Variants in SLC12A4 observed in about 807,000 individuals in gnomAD.
SLC12A4 encodes the protein solute carrier family 12 member 4.
SLC12A4 carries 84 observed loss-of-function variants against 119.2 expected under a neutral mutation model. The ratio of observed to expected loss-of-function variants is 0.70; its 90% CI spans 0.59 to 0.85. SLC12A4 has a LOEUF of 0.85. Ranked by LOEUF, SLC12A4 falls within the 40% of genes least tolerant of loss-of-function variation. SLC12A4 has a pLI of 0.00. For missense variants in SLC12A4, 1,298 were observed against 1,476.3 expected (o/e 0.88, Z 1.98); for synonymous variants, 599 against 604.6 (o/e 0.99, Z 0.14).
At chr16:67,948,515 G>T (rs2058377566) in intron 13 of SLC12A4, among the ~76,000 whole-genome samples, 1 of 152,218 alleles carries the variant, frequency 6.6e-6, no homozygotes, top group Non-Finnish European at 1.5e-5. Flanking sequence ...TGGATGAGAG[G>T]CTGCCATGCA....
chr16:67,961,568 A>G lies in SLC12A4; in HGVS notation c.342+7T>C, dbSNP rs369058249. The G allele has an allele frequency of 1.2e-6, 2 of 1,612,166 alleles. No individual in the cohort carries two copies. Among genetic ancestry groups the G allele is most frequent in the African/African-American group, 1.3e-5 (1 of 74,926 alleles). ...GTGTGGCCCCTCTGCCGCCCCAACC[A>G]GCTCACCTCGGCTGCCCTCCGGCGG... On this transcript the variant is annotated splice_region_variant and intron_variant, in intron 3 of 23. Transcript: ENST00000316341.
rs748743121 is a variant in SLC12A4, at chr16:67,951,170, G to A, written c.1267C>T (p.Leu423=). The A allele has an allele frequency of 1.2e-6, 2 of 1,614,070 alleles. No individual in the cohort carries two copies. The highest frequency in any genetic ancestry group is 2.2e-5 in the South Asian group (2 of 91,090). ...ACAGAAGGGAAGAAGATGCCGACCA[G>A]CACGGTGAAGGATGTGGCGATGTCA... ...VADIATSFTV[L]VGIFFPSVTG... The change falls in exon 9 of 24, where the codon CTG becomes TTG. Residue 423 remains leucine, a synonymous_variant. Transcript: ENST00000316341. The surrounding 1 kb of genome is among the most constrained non-coding windows in gnomAD (Gnocchi z 5.2).
Position 67,949,831 on chromosome 16 carries a change from AGGCGATGAGGATGCCCAGCTC to A in SLC12A4, c.1696_1716del (p.Glu566_Ala572del). 1 of 1,610,556 alleles carries A rather than the reference AGGCGATGAGGATGCCCAGCTC, an allele frequency of 6.2e-7. No individual in the cohort carries two copies. Among genetic ancestry groups the A allele is most frequent in the Non-Finnish European group, 8.5e-7 (1 of 1,178,274 alleles). On this transcript the variant is annotated inframe_deletion, in exon 13 of 24. Coordinates refer to ENST00000316341, the MANE Select transcript of SLC12A4 (RefSeq NM_005072.5). The surrounding 1 kb of genome is among the most constrained non-coding windows in gnomAD (Gnocchi z 4.6). ...AAGATGGGGGCCACCATGTCGAGGGAGGCGATGAGGATGCCCAGCTCGGCGATGAGTGCCGTCAGGAGGAGT... is the reference window on the plus strand; with the variant it reads ...AAGATGGGGGCCACCATGTCGAGGGAGGCGATGAGTGCCGTCAGGAGGAGT...
chr16:67,945,290 A>ATC, intron 22 of SLC12A4, 70 bp from the exon 23 acceptor site: 1 of 1,565,262 alleles, frequency 6.4e-7, no homozygotes, highest in Non-Finnish European at 8.7e-7. Context: ...CCCCTGGCCC[A>ATC]TCTAACACTA....
At position 67,957,985 on chromosome 16, in the gene SLC12A4, C is replaced by T. The variant is rs1375105657; in HGVS notation, c.402G>A (p.Gly134=). ...AGGTCAGCCGCAGGAAGAGGATAAC[C>T]CCAAAGATATTCTGCAGGCAGGGCA... The part of the protein sequence containing the change: ...VYLPCLQNIF[G]VILFLRLTWM... Residue 134 remains glycine (G), a synonymous_variant, in exon 4 of 24, where the codon GGG becomes GGA. Coordinates refer to ENST00000316341, the MANE Select transcript of SLC12A4 (RefSeq NM_005072.5). 1 of 1,614,214 alleles carries T rather than the reference C, an allele frequency of 6.2e-7. No homozygotes were observed. Among genetic ancestry groups the T allele is most frequent in the Non-Finnish European group, 8.5e-7 (1 of 1,180,034 alleles).
chr16:67,959,119 G>A (rs1567424417), intron 3 of SLC12A4, among the ~76,000 whole-genome samples: 1 of 152,188 alleles, frequency 6.6e-6, no homozygotes. Context: ...AAAGTGCTCA[G>A]GCTGTAGGGC....
Position 67,946,343 on chromosome 16 carries a change from G to A in SLC12A4, c.2438-3C>T, listed in dbSNP as rs1457999576. On this transcript the variant is annotated splice_polypyrimidine_tract_variant and splice_region_variant and intron_variant, in intron 18 of 23. Coordinates refer to ENST00000316341, the MANE Select transcript of SLC12A4 (RefSeq NM_005072.5). Reference sequence around the variant, plus strand: ...AGCCGTAGTGCAGCGCACGGTGTCTGGGGAGGAGGAGCACGGCTGACCACC... The same window carrying A: ...AGCCGTAGTGCAGCGCACGGTGTCTAGGGAGGAGGAGCACGGCTGACCACC... The A allele has an allele frequency of 6.2e-7, 1 of 1,608,342 alleles. No homozygotes were observed. The highest frequency in any genetic ancestry group is 8.5e-7 in the Non-Finnish European group (1 of 1,179,982).
In SLC12A4 at chr16:67,945,567, C is replaced by T; in HGVS notation, c.2848-14G>A. On this transcript the variant is annotated splice_polypyrimidine_tract_variant and intron_variant, in intron 21 of 23. Transcript: ENST00000316341. ...GACCAGCTGGGCCTGAGGACAATTGCAGGAGATAGCCTTGGTCCCATAGGA... is the reference window on the plus strand; with the variant it reads ...GACCAGCTGGGCCTGAGGACAATTGTAGGAGATAGCCTTGGTCCCATAGGA... The T allele has an allele frequency of 6.2e-7, 1 of 1,610,546 alleles. No individual in the cohort carries two copies. Among genetic ancestry groups the T allele is most frequent in the Non-Finnish European group, 8.5e-7 (1 of 1,178,212 alleles).
At chr16:67,948,208 G>A (rs1414730902) in intron 13 of SLC12A4, 49 bp from the exon 14 acceptor site, 14 of 1,564,774 alleles carry the variant, frequency 8.9e-6, no homozygotes, top group Non-Finnish European at 1.2e-5. Flanking sequence ...CGGCAGCTGG[G>A]GACCTGATGT....
intron 1 of SLC12A4, among the ~76,000 whole-genome samples, chr16:67,965,046 G>T (rs974030666): frequency 2.6e-5 from 4 of 152,226 alleles, no homozygotes; most frequent in African/African-American, 9.6e-5. Flanking sequence ...GAGCCAAGCA[G>T]CTCAGCCCCA....
chr16:67,952,614 C>CA (rs893088333), intron 6 of SLC12A4, among the ~76,000 whole-genome samples, 189 bp from the exon 7 acceptor site: 13 of 150,570 alleles, frequency 8.6e-5, no homozygotes, highest in Admixed American at 7.9e-4. Flanking sequence ...GCCTGGCCAA[C>CA]ATGGGGAAAC....
At chr16:67,945,290 A>G in intron 22 of SLC12A4, 70 bp from the exon 23 acceptor site, 1 of 1,565,262 alleles carries the variant, frequency 6.4e-7, no homozygotes, top group Non-Finnish European at 8.7e-7. Context: ...CCCCTGGCCC[A>G]TCTAACACTA....
In SLC12A4 at chr16:67,950,310, G is replaced by C; in HGVS notation, c.1629+9C>G. 2 of 1,613,098 alleles carry C rather than the reference G, an allele frequency of 1.2e-6. No individual in the cohort carries two copies. The highest frequency in any genetic ancestry group is 1.7e-6 in the Non-Finnish European group (2 of 1,179,700). ...CAGCCAGGCCATGGGGGAGTGCAGA[G>C]GGGCTCACCCGGAGGAAGGGGATGA... On this transcript the variant is annotated intron_variant, in intron 12 of 23. Transcript: ENST00000316341. This position sits in a 1 kb window ranked among gnomAD's most constrained non-coding sequence, Gnocchi z 4.3.
intron 16 of SLC12A4, 78 bp downstream of exon 16, chr16:67,947,253 G>A (rs1466013410): frequency 2.5e-5 from 38 of 1,509,188 alleles, no homozygotes; most frequent in South Asian, 2.1e-4. Flanking sequence ...ATGGGGAGCC[G>A]GCACCTCTCG....
chr16:67,954,622 C>T (rs2030144655), intron 6 of SLC12A4, 21 bp downstream of exon 6: 1 of 1,613,836 alleles, frequency 6.2e-7, no homozygotes, highest in South Asian at 1.1e-5. Context: ...CCAGAGTTGG[C>T]CAGGGCTCAG....
Position 67,943,914 on chromosome 16 carries a change from G to A in SLC12A4, c.*926C>T. 2.0e-6 allele frequency: 3 copies of A among 1,526,046 alleles called. No homozygotes were observed. The highest frequency in any genetic ancestry group is 2.7e-6 in the Non-Finnish European group (3 of 1,131,488). The allele number at this position is 1,526,046 out of a possible 1,614,324, so 94.5% of individuals were successfully genotyped here. On this transcript the variant is annotated 3_prime_UTR_variant, in exon 24 of 24. Coordinates refer to ENST00000316341, the MANE Select transcript of SLC12A4 (RefSeq NM_005072.5). The surrounding 1 kb of genome is among the most constrained non-coding windows in gnomAD (Gnocchi z 4.6). Reference sequence around the variant, plus strand: ...CTGGGGCCCAGGCTCCCCAGGGTCTGGCGTGGTGCATCAGGGGCCTGGTGG... The same window carrying A: ...CTGGGGCCCAGGCTCCCCAGGGTCTAGCGTGGTGCATCAGGGGCCTGGTGG...
intron 21 of SLC12A4, 37 bp from the exon 22 acceptor site, chr16:67,945,590 G>T: frequency 6.3e-7 from 1 of 1,594,932 alleles, no homozygotes; most frequent in Non-Finnish European, 8.6e-7. Flanking sequence ...TGGTCCCATA[G>T]GAAAAGGGGG....
rs1325710846 is a variant in SLC12A4, at chr16:67,946,518, A to G, written c.2357T>C (p.Met786Thr). The G allele has an allele frequency of 2.5e-6, 4 of 1,610,374 alleles. No individual in the cohort carries two copies. Among genetic ancestry groups the G allele is most frequent in the Non-Finnish European group, 3.4e-6 (4 of 1,179,982 alleles). ...HLIQSCGLGGMRHNSVVLGWP... is the reference protein window; with the variant it reads ...HLIQSCGLGGTRHNSVVLGWP... Reference sequence around the variant, plus strand: ...GCCCAGCACCACGGAGTTATGCCGCATGCCTCCCAGGCCACAGGACTGGAT... The same window carrying G: ...GCCCAGCACCACGGAGTTATGCCGCGTGCCTCCCAGGCCACAGGACTGGAT... Residue 786 changes from methionine to threonine, a missense_variant, in exon 18 of 24, where the codon ATG becomes ACG. Coordinates refer to ENST00000316341, the MANE Select transcript of SLC12A4 (RefSeq NM_005072.5).
Position 67,968,626 on chromosome 16 carries a change from C to G in SLC12A4, c.-73G>C. Reference sequence around the variant, plus strand: ...TGTCCCCGCCGCTGTCCCCGCCGCCCCGGGCCGACACGCCCCGCCCGCTCG... The same window carrying G: ...TGTCCCCGCCGCTGTCCCCGCCGCCGCGGGCCGACACGCCCCGCCCGCTCG... On this transcript the variant is annotated 5_prime_UTR_variant, in exon 1 of 24. Transcript: ENST00000316341. 7.6e-7 allele frequency: 1 copy of G among 1,316,982 alleles called. No individual in the cohort carries two copies. Among genetic ancestry groups the G allele is most frequent in the Non-Finnish European group, 9.6e-7 (1 of 1,040,342 alleles). The allele number at this position is 1,316,982 out of a possible 1,614,324, so 81.6% of individuals were successfully genotyped here.
Sources: gnomAD v4.1 joint callset for allele counts (sites outside exome capture counted in the v4.1 genomes callset) on GRCh38, gnomAD v4.1.1 for gene constraint, Gnocchi (gnomAD v3.1) non-coding constraint, MANE v1.5 for transcripts, NCBI Gene and HGNC (gene_info 2026-07-23, HGNC 2026-07-21) for gene names.